Variants in PTPDC1 observed in about 807,000 individuals in gnomAD.
PTPDC1 encodes protein tyrosine phosphatase domain-containing protein 1.
A neutral mutation model predicts 75.3 loss-of-function variants in PTPDC1; 53 were observed. The observed-to-expected ratio is 0.70, with a 90% CI of 0.56 to 0.88. The LOEUF (loss-of-function observed/expected upper bound fraction) is 0.88. Among genes scored for constraint, PTPDC1 ranks in the 40% least tolerant of loss-of-function variants. PTPDC1 has a pLI of 0.00. For synonymous variants in PTPDC1, 349 were observed against 366.2 expected (o/e 0.95, Z 0.54); for missense variants, 925 against 998.6 (o/e 0.93, Z 0.99).
intron 1 of PTPDC1, among the ~76,000 whole-genome samples, chr9:94,052,422 T>A (rs1825819109): frequency 6.6e-6 from 1 of 152,154 alleles, no homozygotes; most frequent in South Asian, 2.1e-4. Context: ...TGTGCTCTTC[T>A]GCTGTTGGAT....
At chr9:94,047,028 C>G (rs1333912614) in intron 1 of PTPDC1, among the ~76,000 whole-genome samples, 1 of 152,108 alleles carries the variant, frequency 6.6e-6, no homozygotes, top group Non-Finnish European at 1.5e-5. Context: ...CTATCAATAC[C>G]TAATTTATTG....
upstream of PTPDC1, among the ~76,000 whole-genome samples, chr9:94,081,838 T>G (rs999453125): frequency 2.0e-5 from 3 of 152,232 alleles, no homozygotes; most frequent in Admixed American, 2.0e-4. Flanking sequence ...TAGGAATGTT[T>G]GAAAAACAGA....
intron 1 of PTPDC1, among the ~76,000 whole-genome samples, chr9:94,036,502 T>C (rs891363313): frequency 6.6e-6 from 1 of 152,190 alleles, no homozygotes; most frequent in Non-Finnish European, 1.5e-5. Flanking sequence ...ATTGAACATA[T>C]ATGCGTGGGT....
chr9:94,074,791 C>G (rs1279513742), intron 2 of PTPDC1, among the ~76,000 whole-genome samples: 2 of 152,196 alleles, frequency 1.3e-5, no homozygotes, highest in Admixed American at 6.5e-5. Flanking sequence ...CTAGTCTTTC[C>G]TCCTACTGCA....
intron 1 of PTPDC1, among the ~76,000 whole-genome samples, chr9:94,057,816 A>G (rs1245171160): frequency 6.6e-6 from 1 of 152,252 alleles, no homozygotes; most frequent in Non-Finnish European, 1.5e-5. Flanking sequence ...GGTAATGCAT[A>G]TTAGGCACTA....
chr9:94,069,469 T>C (rs908388411), intron 2 of PTPDC1, among the ~76,000 whole-genome samples: 2 of 152,180 alleles, frequency 1.3e-5, no homozygotes, highest in Non-Finnish European at 2.9e-5. Flanking sequence ...TATTTATTTC[T>C]GTTTCTGTCT....
intron 7 of PTPDC1, among the ~76,000 whole-genome samples, chr9:94,102,952 C>T: frequency 6.6e-6 from 1 of 152,006 alleles, no homozygotes; most frequent in Non-Finnish European, 1.5e-5. Flanking sequence ...TAAACATCTC[C>T]TCAGTTTCTA....
At chr9:94,069,830 T>TG (rs1826451205) in intron 2 of PTPDC1, among the ~76,000 whole-genome samples, 1 of 145,406 alleles carries the variant, frequency 6.9e-6, no homozygotes, top group African/African-American at 2.5e-5. Context: ...TTTCTTTTTT[T>TG]TTTTTTTTTT....
Position 94,097,580 on chromosome 9 carries a change from C to T in PTPDC1, c.1014C>T (p.His338=), listed in dbSNP as rs748008315. 9.9e-6 allele frequency: 16 copies of T among 1,613,972 alleles called. No individual in the cohort carries two copies. Among genetic ancestry groups the T allele is most frequent in the East Asian group, 2.2e-5 (1 of 44,890 alleles). The change falls in exon 6 of 9, where the codon CAC becomes CAT. Residue 338 remains histidine (H), a synonymous_variant. Coordinates refer to ENST00000620992, the MANE Select transcript of PTPDC1 (RefSeq NM_001253829.2). ...GTTATGAGGCACGACTTCTGAAACA[C>T]GTGCCAAAAATTATCCACCTAGTTT... The part of the protein sequence containing the change: ...LHGYEARLLK[H]VPKIIHLVCK...
At chr9:94,096,644 T>C (rs1827579673) in intron 5 of PTPDC1, among the ~76,000 whole-genome samples, 1 of 152,212 alleles carries the variant, frequency 6.6e-6, no homozygotes, top group Non-Finnish European at 1.5e-5. Context: ...CCACTAAGCC[T>C]GGCTTCCTTA....
chr9:94,076,511 G>A (rs867908781), intron 2 of PTPDC1, among the ~76,000 whole-genome samples: 42 of 152,108 alleles, frequency 2.8e-4, no homozygotes, highest in Non-Finnish European at 5.3e-4. Flanking sequence ...TGTAGCATGC[G>A]TCAGTGCTGC....
chr9:94,103,617 G>A (rs965689415), intron 7 of PTPDC1, among the ~76,000 whole-genome samples: 5 of 152,180 alleles, frequency 3.3e-5, no homozygotes, highest in African/African-American at 1.2e-4. Context: ...TCTTAGAGTA[G>A]ATTTTCAGAG....
chr9:94,037,802 T>C (rs1257853937), intron 1 of PTPDC1, among the ~76,000 whole-genome samples: 7 of 152,156 alleles, frequency 4.6e-5, no homozygotes, highest in African/African-American at 1.7e-4. Flanking sequence ...GGGAAGTCGC[T>C]GAAGGAAAGT....
intron 2 of PTPDC1, 37 bp downstream of exon 2, chr9:94,085,459 A>G: frequency 6.2e-7 from 1 of 1,609,406 alleles, no homozygotes. Flanking sequence ...GCTCTGTTGG[A>G]TACAGGAAGG....
chr9:94,078,667 T>G (rs1283985696), intron 2 of PTPDC1, among the ~76,000 whole-genome samples: 1 of 152,228 alleles, frequency 6.6e-6, no homozygotes, highest in Non-Finnish European at 1.5e-5. Context: ...TTTTTCATTT[T>G]TTATTCTCTG....
At chr9:94,042,779 G>A (rs906827649) in intron 1 of PTPDC1, among the ~76,000 whole-genome samples, 1 of 152,134 alleles carries the variant, frequency 6.6e-6, no homozygotes, top group Non-Finnish European at 1.5e-5. Flanking sequence ...ATAGCACTTT[G>A]CCCACAGTGG....
At chr9:94,038,408 AATAG>A (rs1330688834) in intron 1 of PTPDC1, 8 of 376,500 alleles carry the variant, frequency 2.1e-5, no homozygotes, top group Non-Finnish European at 3.9e-5. Context: ...ACCATACTTT[AATAG>A]ATCTCATACA....
intron 7 of PTPDC1, among the ~76,000 whole-genome samples, chr9:94,103,487 C>G (rs1481711646): frequency 6.6e-6 from 1 of 152,184 alleles, no homozygotes; most frequent in African/African-American, 2.4e-5. Flanking sequence ...CCTGTTTTAT[C>G]CTAATTCACC....
At chr9:94,101,888 A>C (rs1827855515) in intron 7 of PTPDC1, 137 bp downstream of exon 7, 1 of 550,926 alleles carries the variant, frequency 1.8e-6, no homozygotes, top group Non-Finnish European at 3.1e-6. Context: ...TTTTTCCAAG[A>C]GAAGAGAAGA....
Sources: gnomAD v4.1 joint callset for allele counts (sites outside exome capture counted in the v4.1 genomes callset) on GRCh38, gnomAD v4.1.1 for gene constraint, MANE v1.5 for transcripts, NCBI Gene and HGNC (gene_info 2026-07-23, HGNC 2026-07-21) for gene names.